Variants in ADARB2 observed in about 807,000 individuals in gnomAD.
The protein encoded by ADARB2 is adenosine deaminase RNA specific B2 (inactive).
Under a neutral mutation model 62.2 loss-of-function variants are expected in ADARB2, and 25 were observed. That is an observed-to-expected ratio of 0.40 (90% confidence interval 0.29 to 0.56). The LOEUF is 0.56. Ranked by LOEUF, ADARB2 falls within the 20% of genes least tolerant of loss-of-function variation. The pLI, the probability that ADARB2 is intolerant of heterozygous loss-of-function variation, is 0.43. For missense variants in ADARB2, 1,071 were observed against 1,077.4 expected (o/e 0.99, Z 0.08); for synonymous variants, 572 against 500.8 (o/e 1.14, Z -1.90).
At chr10:1,352,669 C>T (rs769907735) in intron 3 of ADARB2, among the ~76,000 whole-genome samples, 16 of 152,198 alleles carry the variant, frequency 1.1e-4, no homozygotes, top group Admixed American at 2.0e-4. Flanking sequence ...GTTCTCATAA[C>T]TTCCAAAATC....
chr10:1,546,520 C>T (rs1832523258), intron 1 of ADARB2, among the ~76,000 whole-genome samples: 1 of 152,186 alleles, frequency 6.6e-6, no homozygotes. Flanking sequence ...AGCCTGGGGA[C>T]ACTGTGGCTC....
intron 1 of ADARB2, among the ~76,000 whole-genome samples, chr10:1,559,746 T>G (rs1832762387): frequency 6.6e-6 from 1 of 152,172 alleles, no homozygotes; most frequent in Non-Finnish European, 1.5e-5. Context: ...TTTTAAGAAA[T>G]TTCATAGGGT....
chr10:1,579,602 G>A (rs1011137840), intron 1 of ADARB2, among the ~76,000 whole-genome samples: 1 of 152,168 alleles, frequency 6.6e-6, no homozygotes, highest in African/African-American at 2.4e-5. Context: ...CAGACACAGA[G>A]CATCTCACTT....
intron 3 of ADARB2, among the ~76,000 whole-genome samples, chr10:1,351,849 G>T (rs2820615): frequency 6.7e-6 from 1 of 149,034 alleles, no homozygotes; most frequent in East Asian, 1.9e-4. Flanking sequence ...ACCAGACAAG[G>T]CTTACAGGTT....
intron 3 of ADARB2, among the ~76,000 whole-genome samples, chr10:1,329,639 G>C (rs1482197980): frequency 6.6e-6 from 1 of 152,210 alleles, no homozygotes. Context: ...TGTTGGTCTA[G>C]AGGGTTCATT....
intron 1 of ADARB2, among the ~76,000 whole-genome samples, chr10:1,685,924 G>C (rs965557273): frequency 6.6e-6 from 1 of 152,184 alleles, no homozygotes; most frequent in Non-Finnish European, 1.5e-5. Context: ...GCCTCTGCCC[G>C]GGACGGATGG....
At chr10:1,280,734 CCTAAGTGATGCTCCGTGAAAT>C (rs1465479899) in intron 3 of ADARB2, among the ~76,000 whole-genome samples, 1 of 152,088 alleles carries the variant, frequency 6.6e-6, no homozygotes, top group Non-Finnish European at 1.5e-5. Context: ...CTATGATATT[CCTAAGTGATGCTCCGTGAAAT>C]TCCTAAGTGA....
At chr10:1,665,325 T>C (rs914166831) in intron 1 of ADARB2, among the ~76,000 whole-genome samples, 4 of 152,358 alleles carry the variant, frequency 2.6e-5, no homozygotes, top group Admixed American at 2.6e-4. Flanking sequence ...GAGTGGGCGT[T>C]GTGCGCAGAC....
At chr10:1,259,362 TG>T (rs1457034908) in intron 4 of ADARB2, among the ~76,000 whole-genome samples, 8 of 152,120 alleles carry the variant, frequency 5.3e-5, no homozygotes. Flanking sequence ...ATCCAGGAGC[TG>T]GTTTTTTGAA....
intron 1 of ADARB2, among the ~76,000 whole-genome samples, chr10:1,537,384 A>G (rs1393398080): frequency 6.6e-6 from 1 of 152,252 alleles, no homozygotes; most frequent in East Asian, 1.9e-4. Context: ...TTAGTTCAAC[A>G]ATTGCAGAAG....
At chr10:1,409,377 C>A (rs1339422261) in intron 1 of ADARB2, among the ~76,000 whole-genome samples, 3 of 152,244 alleles carry the variant, frequency 2.0e-5, no homozygotes, top group African/African-American at 7.2e-5. Context: ...CTGTGGCCAC[C>A]TGAACCCCAT....
At chr10:1,688,845 C>T (rs1193553516) in intron 1 of ADARB2, among the ~76,000 whole-genome samples, 1 of 152,132 alleles carries the variant, frequency 6.6e-6, no homozygotes, top group African/African-American at 2.4e-5. Flanking sequence ...CTTCTGTTAC[C>T]TAAGCTGAGA....
intron 2 of ADARB2, among the ~76,000 whole-genome samples, chr10:1,378,655 G>A (rs1206835395): frequency 6.6e-6 from 1 of 152,012 alleles, no homozygotes; most frequent in Admixed American, 6.5e-5. Context: ...GACTGCAGGT[G>A]TGGGTAAGAC....
At chr10:1,465,462 G>A (rs1001462032) in intron 1 of ADARB2, among the ~76,000 whole-genome samples, 5 of 152,176 alleles carry the variant, frequency 3.3e-5, no homozygotes, top group East Asian at 3.9e-4. Flanking sequence ...CTGCCCCTCC[G>A]AGGCACCAGG....
intron 3 of ADARB2, among the ~76,000 whole-genome samples, chr10:1,317,767 C>G: frequency 6.9e-6 from 1 of 145,356 alleles, no homozygotes; most frequent in Non-Finnish European, 1.5e-5. Context: ...GGGGGTGGGT[C>G]AGTTTGTGTG....
chr10:1,627,590 A>T (rs764828543), intron 1 of ADARB2, among the ~76,000 whole-genome samples: 1 of 152,206 alleles, frequency 6.6e-6, no homozygotes, highest in Non-Finnish European at 1.5e-5. Flanking sequence ...TGGCCATGAC[A>T]TCTAACGTTC....
intron 1 of ADARB2, among the ~76,000 whole-genome samples, chr10:1,559,042 A>G (rs1421667767): frequency 6.6e-6 from 1 of 152,340 alleles, no homozygotes; most frequent in East Asian, 1.9e-4. Flanking sequence ...AAGTCTCTCA[A>G]TCGCATCCCC....
At chr10:1,485,711 T>C (rs1188867659) in intron 1 of ADARB2, among the ~76,000 whole-genome samples, 1 of 152,218 alleles carries the variant, frequency 6.6e-6, no homozygotes, top group Non-Finnish European at 1.5e-5. Context: ...GCTCCGTCTA[T>C]GGCGAAGGCT....
intron 6 of ADARB2, among the ~76,000 whole-genome samples, chr10:1,218,910 C>T (rs898095765): frequency 4.0e-5 from 6 of 151,666 alleles, no homozygotes; most frequent in East Asian, 1.9e-4. Flanking sequence ...ATTAGCCGGG[C>T]GTGGTGGCGG....
Sources: allele counts gnomAD v4.1 joint callset (sites outside exome capture counted in the v4.1 genomes callset), GRCh38; gene constraint gnomAD v4.1.1; transcripts MANE v1.5; gene names NCBI Gene and HGNC (gene_info 2026-07-23, HGNC 2026-07-21).